Variants in NCR3LG1 observed in about 807,000 individuals in gnomAD.
NCR3LG1 encodes the protein natural cytotoxicity triggering receptor 3 ligand 1.
NCR3LG1 carries 35 observed loss-of-function variants against 34.8 expected under a neutral mutation model. That is an observed-to-expected ratio of 1.01 (90% CI 0.77 to 1.33). The LOEUF (loss-of-function observed/expected upper bound fraction) is 1.33. Ranked by LOEUF, NCR3LG1 falls within the 40% of genes most tolerant of loss-of-function variation. NCR3LG1 has a pLI of 0.00. For missense variants in NCR3LG1, 452 were observed against 423.3 expected (o/e 1.07, Z -0.60); for synonymous variants, 173 against 163.6 (o/e 1.06, Z -0.44).
chr11:17,363,038 G>A (rs551507913), intron 2 of NCR3LG1, among the ~76,000 whole-genome samples: 54 of 149,180 alleles, frequency 3.6e-4, no homozygotes, highest in Admixed American at 1.1e-3. Flanking sequence ...CTCCCACCTC[G>A]GCCTCTGGAA....
intron 1 of NCR3LG1, 129 bp downstream of exon 1, chr11:17,352,168 T>C (rs1413171157): frequency 1.9e-6 from 1 of 524,646 alleles, no homozygotes; most frequent in Admixed American, 4.1e-5. Context: ...TTCTTTTCTA[T>C]TTCTTCTCCT....
chr11:17,355,492 G>A (rs988711716), intron 1 of NCR3LG1, among the ~76,000 whole-genome samples: 1 of 151,642 alleles, frequency 6.6e-6, no homozygotes, highest in African/African-American at 2.4e-5. Flanking sequence ...TTTAACGAAA[G>A]AAACAGAAAA....
chr11:17,365,401 G>A (rs1347592180), intron 2 of NCR3LG1, among the ~76,000 whole-genome samples: 1 of 152,120 alleles, frequency 6.6e-6, no homozygotes, highest in Non-Finnish European at 1.5e-5. Flanking sequence ...GTAAAGTGTT[G>A]GAGGAGAATC....
At chr11:17,358,148 G>C (rs537244976) in intron 2 of NCR3LG1, among the ~76,000 whole-genome samples, 1 of 152,172 alleles carries the variant, frequency 6.6e-6, no homozygotes, top group Admixed American at 6.5e-5. Context: ...TATTCGTATG[G>C]TACCTTGATA....
chr11:17,353,598 A>T (rs1035805536), intron 1 of NCR3LG1, among the ~76,000 whole-genome samples: 2 of 151,706 alleles, frequency 1.3e-5, no homozygotes, highest in Non-Finnish European at 2.9e-5. Flanking sequence ...GGTCCCCGCC[A>T]CTTTCGTCCG....
intron 3 of NCR3LG1, among the ~76,000 whole-genome samples, chr11:17,367,968 A>T (rs554830388): frequency 6.6e-6 from 1 of 151,926 alleles, no homozygotes; most frequent in South Asian, 2.1e-4. Context: ...ACAGGCATGC[A>T]CCACCACGCA....
chr11:17,363,733 G>A (rs1302698733), intron 2 of NCR3LG1, among the ~76,000 whole-genome samples: 1 of 151,794 alleles, frequency 6.6e-6, no homozygotes, highest in Non-Finnish European at 1.5e-5. Context: ...AGTAGCTGGG[G>A]CCACACGCGG....
At chr11:17,369,175 T>C (rs1953380345) in intron 4 of NCR3LG1, among the ~76,000 whole-genome samples, 1 of 152,200 alleles carries the variant, frequency 6.6e-6, no homozygotes, top group Non-Finnish European at 1.5e-5. Context: ...CCATCTGACC[T>C]CTGTATGGTG....
At position 17,375,368 on chromosome 11, in the gene NCR3LG1, G is replaced by C. The variant is rs1195944322; in HGVS notation, c.*2856G>C. 1 of 152,190 alleles carries C rather than the reference G, an allele frequency of 6.6e-6. No homozygotes were observed. Among genetic ancestry groups the C allele is most frequent in the Non-Finnish European group, 1.5e-5 (1 of 68,036 alleles). 9.4% of individuals were successfully genotyped at this position (152,190 alleles called of 1,614,324 possible). ...GACTGGACCCACTTTATGGATGGGA[G>C]CTCTTTTGTAGGACAGGGAGTCTGA... On this transcript the variant is annotated 3_prime_UTR_variant, in exon 5 of 5. Coordinates refer to ENST00000338965, the MANE Select transcript of NCR3LG1 (RefSeq NM_001202439.3).
chr11:17,355,326 G>T (rs1175669473), intron 1 of NCR3LG1, among the ~76,000 whole-genome samples: 1 of 152,104 alleles, frequency 6.6e-6, no homozygotes, highest in Non-Finnish European at 1.5e-5. Context: ...GAGCCCAGGA[G>T]GTGGAGGCTG....
chr11:17,352,182 T>TG, intron 1 of NCR3LG1, 143 bp downstream of exon 1: 2 of 374,288 alleles, frequency 5.3e-6, no homozygotes, highest in South Asian at 9.1e-5. Context: ...TTCTCCTTTT[T>TG]TTTTTTTTTT....
At chr11:17,361,805 C>T (rs1329425564) in intron 2 of NCR3LG1, among the ~76,000 whole-genome samples, 1 of 151,806 alleles carries the variant, frequency 6.6e-6, no homozygotes, top group East Asian at 1.9e-4. Flanking sequence ...TTATTTCTTC[C>T]ATTATTTTAT....
chr11:17,356,538 G>C, intron 1 of NCR3LG1, 113 bp from the exon 2 acceptor site: 2 of 734,110 alleles, frequency 2.7e-6, no homozygotes, highest in Middle Eastern at 3.0e-4. Flanking sequence ...CATCACACTG[G>C]GGGTCAGGCC....
downstream of NCR3LG1, among the ~76,000 whole-genome samples, chr11:17,379,836 C>T (rs1953504595): frequency 6.6e-6 from 1 of 152,224 alleles, no homozygotes; most frequent in Non-Finnish European, 1.5e-5. Flanking sequence ...TACAACTCCT[C>T]AGGAAGCTGA....
At chr11:17,352,464 C>T (rs1201636056) in intron 1 of NCR3LG1, among the ~76,000 whole-genome samples, 7 of 152,152 alleles carry the variant, frequency 4.6e-5, no homozygotes, top group African/African-American at 1.4e-4. Flanking sequence ...CGTGAGCCCC[C>T]GCGCCCGGCC....
downstream of NCR3LG1, among the ~76,000 whole-genome samples, chr11:17,378,520 G>A (rs78789945): frequency 0.066 from 10,074 of 152,142 alleles, 1,117 homozygotes; most frequent in African/African-American, 0.22. Flanking sequence ...GCTGCAGATA[G>A]AACCACACAT....
intron 4 of NCR3LG1, among the ~76,000 whole-genome samples, chr11:17,371,434 C>T (rs1953404628): frequency 6.6e-6 from 1 of 152,150 alleles, no homozygotes; most frequent in African/African-American, 2.4e-5. Flanking sequence ...CCTCTTTCAA[C>T]AGCCAGGAAG....
intron 2 of NCR3LG1, among the ~76,000 whole-genome samples, chr11:17,360,219 G>T (rs1203589570): frequency 6.6e-6 from 1 of 152,116 alleles, no homozygotes; most frequent in African/African-American, 2.4e-5. Context: ...CAGATTGTTT[G>T]CCTATTTTTT....
chr11:17,358,371 G>T (rs957407999), intron 2 of NCR3LG1, among the ~76,000 whole-genome samples: 1 of 152,190 alleles, frequency 6.6e-6, no homozygotes, highest in African/African-American at 2.4e-5. Context: ...GAGGGTATTG[G>T]TCAGGTATAT....
Sources: gnomAD v4.1 joint callset for allele counts (sites outside exome capture counted in the v4.1 genomes callset) on GRCh38, gnomAD v4.1.1 for gene constraint, MANE v1.5 for transcripts, NCBI Gene and HGNC (gene_info 2026-07-23, HGNC 2026-07-21) for gene names.